The following POLR2F variants were observed in gnomAD, a reference collection of about 807,000 sequenced individuals.
POLR2F encodes the protein DNA-directed RNA polymerases I, II, and III subunit RPABC2.
In POLR2F, 12 loss-of-function variants were observed where a neutral mutation model predicts 22.7. The ratio of observed to expected loss-of-function variants is 0.53; its 90% CI spans 0.34 to 0.86. POLR2F has a LOEUF of 0.86. Ranked by LOEUF, POLR2F falls within the 40% of genes least tolerant of loss-of-function variation. The probability of loss-of-function intolerance (pLI) is 0.02; values close to 1 mark genes in which losing one functional copy is unlikely to be tolerated. For synonymous variants in POLR2F, 57 were observed against 66.0 expected, an observed-to-expected ratio of 0.86 and a Z score of 0.66; for missense variants, 126 against 171.5, an observed-to-expected ratio of 0.73 and a Z score of 1.48.
chr22:38,033,428 C>T (rs530105971), intron 5 of POLR2F, among the ~76,000 whole-genome samples: 36 of 152,300 alleles, frequency 2.4e-4, no homozygotes, highest in Non-Finnish European at 4.1e-4. Flanking sequence ...GAGGTTGCAG[C>T]GGGGTTCAAG....
chr22:37,991,681 G>A (rs552813849), intron 1 of POLR2F, among the ~76,000 whole-genome samples: 2 of 152,294 alleles, frequency 1.3e-5, no homozygotes, highest in Non-Finnish European at 2.9e-5. Flanking sequence ...AGTGAGATGT[G>A]CATGTTCCTT....
intron 3 of POLR2F, among the ~76,000 whole-genome samples, chr22:37,960,952 C>T (rs1269845817): frequency 6.6e-6 from 1 of 151,670 alleles, no homozygotes; most frequent in African/African-American, 2.4e-5. Flanking sequence ...AGGATCACGC[C>T]ATTCTCCTGC....
chr22:37,962,239 CAAACAAACAAA>C (rs978500753), intron 3 of POLR2F, among the ~76,000 whole-genome samples: 14 of 151,438 alleles, frequency 9.2e-5, no homozygotes, highest in Non-Finnish European at 1.8e-4. Context: ...AACAAACAAA[CAAACAAACAAA>C]AAAAAAACAA....
Position 37,978,149 on chromosome 22 carries a change from G to A in POLR2F, c.293+10979G>A, listed in dbSNP as rs940982555. The A allele has an allele frequency of 3.9e-6, 6 of 1,542,294 alleles. No homozygotes were observed. Among genetic ancestry groups the A allele is most frequent in the Non-Finnish European group, 5.2e-6 (6 of 1,145,150 alleles). On this transcript the variant is annotated intron_variant, in intron 4 of 4. Transcript: ENST00000405557. The surrounding 1 kb of genome is among the most constrained non-coding windows in gnomAD (Gnocchi z 5.0). ...TCGTTCAGCAGCCTGGGGTGTGGTG[G>A]GAGGCGGAGAGGACAGCAGAGGGGC...
At chr22:37,999,562 C>G (rs560677290) in intron 1 of POLR2F, among the ~76,000 whole-genome samples, 2 of 152,236 alleles carry the variant, frequency 1.3e-5, no homozygotes, top group African/African-American at 4.8e-5. Flanking sequence ...CCCAGGTCAT[C>G]TGCACCTGGG....
chr22:37,986,311 C>G lies in POLR2F; in HGVS notation c.121C>G (p.Arg41Gly), dbSNP rs538080843. Residue 41 changes from arginine (R) to glycine (G), a missense_variant and splice_region_variant, in exon 1 of 3, where the codon CGG becomes GGG. By Grantham distance (125) the Arg-to-Gly change is moderately radical (BLOSUM62 -2). Transcript: ENST00000333418. The surrounding 1 kb of genome is among the most constrained non-coding windows in gnomAD (Gnocchi z 4.7). ...CTGCCTGCCTGGCATCTCTCTCTCC[C>G]GGTGGGTCCCCACTCATCCTTCCAC... 6.5e-7 allele frequency: 1 copy of G among 1,536,354 alleles called. No individual in the cohort carries two copies. Among genetic ancestry groups the G allele is most frequent in the Non-Finnish European group, 8.7e-7 (1 of 1,146,114 alleles).
chr22:37,958,545 C>T (rs1931497482), intron 2 of POLR2F: 1 of 152,106 alleles, frequency 6.6e-6, no homozygotes, highest in Non-Finnish European at 1.5e-5. Context: ...GCCTACAATC[C>T]TCTACGCACC....
intron 1 of POLR2F, among the ~76,000 whole-genome samples, chr22:38,002,723 A>G (rs1371820586): frequency 1.3e-5 from 2 of 151,368 alleles, no homozygotes; most frequent in African/African-American, 4.9e-5. Context: ...CCTGATGGTG[A>G]CTTTTGAGTC....
intron 1 of POLR2F, among the ~76,000 whole-genome samples, chr22:38,000,564 C>T (rs1403657624): frequency 6.6e-6 from 1 of 152,180 alleles, no homozygotes; most frequent in African/African-American, 2.4e-5. Context: ...ATGGTGCTGA[C>T]CCTGTGTTCC....
In POLR2F at chr22:37,986,496, C is replaced by G. The variant is rs895440462; in HGVS notation, c.120+184C>G. On this transcript the variant is annotated intron_variant, in intron 1 of 2. Coordinates refer to the POLR2F transcript ENST00000333418. This position sits in a 1 kb window ranked among gnomAD's most constrained non-coding sequence, Gnocchi z 4.7. ...CCCACAGCTGCCCCCTCTCTAACTC[C>G]CTGCTTCCTCCTTTGCCCTCCTTGG... The G allele has an allele frequency of 2.2e-6, 3 of 1,343,678 alleles. No individual in the cohort carries two copies. Among genetic ancestry groups the G allele is most frequent in the Non-Finnish European group, 2.1e-6 (2 of 972,142 alleles). 83.2% of individuals were successfully genotyped at this position (1,343,678 alleles called of 1,614,324 possible). A position where few individuals can be genotyped will look rare whatever the true frequency, so the allele number is the denominator to read the frequency against.
At chr22:37,979,013 T>C (rs1180166196) in intron 4 of POLR2F, among the ~76,000 whole-genome samples, 1 of 151,516 alleles carries the variant, frequency 6.6e-6, no homozygotes, top group Non-Finnish European at 1.5e-5. Flanking sequence ...CTGACCTTAG[T>C]TGATCCGCCT....
chr22:38,019,876 TG>T (rs2084945253), intron 1 of POLR2F, among the ~76,000 whole-genome samples: 1 of 151,970 alleles, frequency 6.6e-6, no homozygotes, highest in African/African-American at 2.4e-5. Context: ...TAGTGGGGCT[TG>T]GTGGCGCATG....
At chr22:37,975,372 G>C (rs1167687039) in intron 4 of POLR2F, among the ~76,000 whole-genome samples, 2 of 152,214 alleles carry the variant, frequency 1.3e-5, no homozygotes, top group Non-Finnish European at 2.9e-5. Flanking sequence ...GGTTTGATCA[G>C]GGAAGGATGT....
chr22:37,978,447 G>A lies in POLR2F; in HGVS notation c.293+11277G>A, dbSNP rs933492820. 1.3e-5 allele frequency among the ~76,000 whole-genome samples: 2 copies of A among 152,236 alleles called. No individual in the cohort carries two copies. Among genetic ancestry groups the A allele is most frequent in the African/African-American group, 4.8e-5 (2 of 41,464 alleles). On this transcript the variant is annotated intron_variant, in intron 4 of 4. Transcript: ENST00000405557. The surrounding 1 kb of genome is among the most constrained non-coding windows in gnomAD (Gnocchi z 5.0). ...GAAGTAGGAGTAGAGGTTTCAAGGG[G>A]CAGATGCCAGTTCAAGGAAAGGAAA... is the stretch of plus-strand genomic sequence containing the variant.
At chr22:38,004,224 C>T (rs2084800794) in intron 1 of POLR2F, among the ~76,000 whole-genome samples, 1 of 152,020 alleles carries the variant, frequency 6.6e-6, no homozygotes, top group Non-Finnish European at 1.5e-5. Flanking sequence ...GAACTCCTGG[C>T]CTCAAGTGAC....
At chr22:37,983,252 T>C, upstream of POLR2F, 1 of 1,326,834 alleles carries the variant, frequency 7.5e-7, no homozygotes, top group Non-Finnish European at 1.0e-6. This position sits in a 1 kb window ranked among gnomAD's most constrained non-coding sequence, Gnocchi z 9.5. Flanking sequence ...CAAGGAGGAC[T>C]GCCAGACAGT....
intron 1 of POLR2F, among the ~76,000 whole-genome samples, chr22:38,001,879 G>A (rs2084773723): frequency 6.6e-6 from 1 of 151,800 alleles, no homozygotes; most frequent in Admixed American, 6.6e-5. Flanking sequence ...CCAGACTGGA[G>A]TGCAGTGGCA....
In POLR2F at chr22:37,961,005, C is replaced by T. The variant is rs541778145; in HGVS notation, c.221+1529C>T. Among the ~76,000 whole-genome samples, 9 of 151,586 alleles carry T rather than the reference C, an allele frequency of 5.9e-5. No homozygotes were observed. In the East Asian group the frequency reaches 7.9e-4, roughly 13 times the overall value. ...CTGGGACTACAGGTGCCCACCACAA[C>T]GCCTGGCTAATTTTTTTGTATTTTT... On this transcript the variant is annotated intron_variant, in intron 3 of 4. Transcript: ENST00000442738.
At chr22:38,025,969 C>T (rs759495459) in exon 2 of POLR2F, 7 of 608,138 alleles carry the variant, frequency 1.2e-5, no homozygotes, top group South Asian at 6.9e-5. Flanking sequence ...TAGAAGTCAA[C>T]CGGAGAATGT....
Sources: allele counts gnomAD v4.1 joint callset (sites outside exome capture counted in the v4.1 genomes callset), GRCh38; gene constraint gnomAD v4.1.1; non-coding constraint Gnocchi (gnomAD v3.1); transcripts MANE v1.5; gene names NCBI Gene and HGNC (gene_info 2026-07-23, HGNC 2026-07-21).